Variants in TAFA1 observed in about 807,000 individuals in gnomAD.
The protein encoded by TAFA1 is chemokine-like protein TAFA-1.
A neutral mutation model predicts 18.5 loss-of-function variants in TAFA1; 4 were observed. That is an observed-to-expected ratio of 0.22 (90% CI 0.11 to 0.49). The LOEUF (loss-of-function observed/expected upper bound fraction) is 0.49, where lower values mean the gene tolerates loss of function less well. TAFA1 is among the 20% of genes least tolerant of loss of function. The probability of loss-of-function intolerance (pLI) is 0.98; values close to 1 mark genes in which losing one functional copy is unlikely to be tolerated. For missense variants in TAFA1, 147 were observed against 169.0 expected, an observed-to-expected ratio of 0.87 and a Z score of 0.72; for synonymous variants, 56 against 55.2, an observed-to-expected ratio of 1.01 and a Z score of -0.06.
chr3:68,027,929 A>C (rs1346107348), intron 2 of TAFA1, among the ~76,000 whole-genome samples: 1 of 152,202 alleles, frequency 6.6e-6, no homozygotes, highest in East Asian at 1.9e-4. Context: ...TGTGAACTGA[A>C]GAGGGTTTTT....
intron 2 of TAFA1, among the ~76,000 whole-genome samples, chr3:68,339,878 C>A (rs1004901770): frequency 9.9e-5 from 15 of 152,180 alleles, no homozygotes; most frequent in African/African-American, 3.4e-4. Context: ...AATATTCCCA[C>A]CATGGCTGCT....
intron 2 of TAFA1, among the ~76,000 whole-genome samples, chr3:68,274,422 T>C (rs2067749472): frequency 3.3e-5 from 5 of 152,178 alleles, no homozygotes; most frequent in South Asian, 2.1e-4. Context: ...GGGATGCCAA[T>C]ACATTCAAGA....
chr3:68,485,463 A>G (rs2072318091), intron 3 of TAFA1, among the ~76,000 whole-genome samples: 1 of 152,200 alleles, frequency 6.6e-6, no homozygotes, highest in South Asian at 2.1e-4. Flanking sequence ...CAGAATTTAG[A>G]TGAGTGTACC....
At chr3:68,412,075 C>G (rs1009778211) in intron 2 of TAFA1, among the ~76,000 whole-genome samples, 1 of 152,180 alleles carries the variant, frequency 6.6e-6, no homozygotes, top group South Asian at 2.1e-4. Context: ...TTTAGAGCAA[C>G]ACCTTCCTGG....
intron 3 of TAFA1, among the ~76,000 whole-genome samples, chr3:68,434,849 A>G (rs2071242436): frequency 6.6e-6 from 1 of 152,018 alleles, no homozygotes; most frequent in South Asian, 2.1e-4. Flanking sequence ...GTCTAATACT[A>G]CCTCCTGTCG....
intron 2 of TAFA1, among the ~76,000 whole-genome samples, chr3:68,162,611 C>T (rs532080394): frequency 6.6e-6 from 1 of 152,234 alleles, no homozygotes; most frequent in African/African-American, 2.4e-5. Context: ...TCTCTCCTTC[C>T]CCTATGGCTC....
intron 3 of TAFA1, among the ~76,000 whole-genome samples, chr3:68,445,309 G>A (rs1398435921): frequency 3.9e-5 from 6 of 152,126 alleles, no homozygotes; most frequent in Non-Finnish European, 7.4e-5. Context: ...TTGGAAGAAA[G>A]CCTTCTGATT....
intron 2 of TAFA1, among the ~76,000 whole-genome samples, chr3:68,233,599 C>T (rs940400596): frequency 5.3e-5 from 8 of 152,036 alleles, no homozygotes; most frequent in African/African-American, 1.7e-4. Flanking sequence ...TTTGGCTATT[C>T]AGGGTATTTC....
intron 2 of TAFA1, among the ~76,000 whole-genome samples, chr3:68,211,632 G>A (rs540775738): frequency 6.6e-6 from 1 of 152,164 alleles, no homozygotes; most frequent in Admixed American, 6.5e-5. Flanking sequence ...AAAGAAAAGA[G>A]GTTTATTTGG....
intron 2 of TAFA1, among the ~76,000 whole-genome samples, chr3:68,344,898 C>G (rs1226728976): frequency 2.6e-5 from 4 of 152,122 alleles, no homozygotes; most frequent in Non-Finnish European, 5.9e-5. Context: ...AGCCAACTAA[C>G]AGCTAGCACA....
intron 2 of TAFA1, among the ~76,000 whole-genome samples, chr3:68,185,900 T>G (rs1172718729): frequency 8.7e-6 from 1 of 115,602 alleles, no homozygotes; most frequent in East Asian, 2.6e-4. Flanking sequence ...AGAACCTGTC[T>G]CAAATAAAAT....
chr3:68,254,976 A>C (rs1393139063), intron 2 of TAFA1, among the ~76,000 whole-genome samples: 2 of 152,168 alleles, frequency 1.3e-5, no homozygotes, highest in African/African-American at 2.4e-5. Flanking sequence ...CCTCATTGAA[A>C]AGTAGGGAGA....
intron 2 of TAFA1, among the ~76,000 whole-genome samples, chr3:68,202,361 T>TG: frequency 6.6e-6 from 1 of 151,790 alleles, no homozygotes; most frequent in East Asian, 2.0e-4. Context: ...TCAAAGTGAT[T>TG]GTTGGTATAC....
At chr3:68,425,240 C>T (rs1395569324) in intron 3 of TAFA1, among the ~76,000 whole-genome samples, 1 of 152,072 alleles carries the variant, frequency 6.6e-6, no homozygotes, top group East Asian at 1.9e-4. Context: ...TTGTCATCCA[C>T]ACACGATGAA....
At chr3:68,365,362 A>T (rs1262747603) in intron 2 of TAFA1, among the ~76,000 whole-genome samples, 1 of 152,180 alleles carries the variant, frequency 6.6e-6, no homozygotes, top group African/African-American at 2.4e-5. Context: ...GTACCCAGAG[A>T]AGTTGAAACC....
intron 2 of TAFA1, among the ~76,000 whole-genome samples, chr3:68,242,333 T>C (rs1460940430): frequency 6.6e-6 from 1 of 152,246 alleles, no homozygotes; most frequent in East Asian, 2.0e-4. Flanking sequence ...AAAAGTTTGC[T>C]CTGTTTAAAT....
At chr3:68,014,351 C>T (rs1159972835) in intron 2 of TAFA1, among the ~76,000 whole-genome samples, 2 of 152,136 alleles carry the variant, frequency 1.3e-5, no homozygotes, top group African/African-American at 2.4e-5. Context: ...TATTGATCAT[C>T]CTAGCTTTAG....
chr3:68,401,606 T>G (rs191752721), intron 2 of TAFA1, among the ~76,000 whole-genome samples: 98 of 152,348 alleles, frequency 6.4e-4, no homozygotes, highest in Non-Finnish European at 1.0e-3. Context: ...GACTTGCGTC[T>G]TTTCGTCAGT....
At chr3:68,346,118 C>T (rs1575794277) in intron 2 of TAFA1, among the ~76,000 whole-genome samples, 1 of 152,008 alleles carries the variant, frequency 6.6e-6, no homozygotes, top group Non-Finnish European at 1.5e-5. Flanking sequence ...GATGGGCAGC[C>T]TACTCAGATG....
Sources: gnomAD v4.1 joint callset for allele counts (sites outside exome capture counted in the v4.1 genomes callset) on GRCh38, gnomAD v4.1.1 for gene constraint, MANE v1.5 for transcripts, NCBI Gene and HGNC (gene_info 2026-07-23, HGNC 2026-07-21) for gene names.